The following SCART1 variants were observed in gnomAD, a reference collection of about 807,000 sequenced individuals.
SCART1 encodes scavenger receptor cysteine-rich domain-containing protein SCART1.
Under a neutral mutation model 36.2 loss-of-function variants are expected in SCART1, and 62 were observed. The ratio of observed to expected loss-of-function variants is 1.71; its 90% CI spans 1.40 to 2.12. SCART1 has a LOEUF of 2.12. Among genes scored for constraint, SCART1 ranks in the 30% most tolerant of loss-of-function variants. The pLI is 0.00. For synonymous variants in SCART1, 487 were observed against 238.7 expected (o/e 2.04, Z -9.59); for missense variants, 1,041 against 540.5 (o/e 1.93, Z -9.18).
chr10:133,457,327 C>T lies in SCART1; in HGVS notation c.434C>T (p.Ala145Val), dbSNP rs576389126. The stretch of plus-strand genomic sequence containing the variant: ...CTGGTGAAGGGCCGCAGTCCCTGCG[C>T]GGGACTCCCCGAGATCAGAAACGTG... The change falls in exon 3 of 12, where the codon GCG becomes GTG. Residue 145 changes from alanine to valine, a missense_variant. Ala to Val is a moderately conservative substitution (Grantham distance 64). Transcript: ENST00000640237. 244 of 694,090 alleles carry T rather than the reference C, an allele frequency of 3.5e-4. 1 individual carries two copies. In the African/African-American group the frequency reaches 3.8e-3, roughly 11 times the overall value. The allele number at this position is 694,090 out of a possible 1,614,324, so 43.0% of individuals were successfully genotyped here.
chr10:133,457,613 A>T, intron 3 of SCART1, 38 bp downstream of exon 3: 1 of 646,584 alleles, frequency 1.5e-6, no homozygotes, highest in Non-Finnish European at 2.8e-6. Flanking sequence ...GACCCTTGGG[A>T]TGATGCTGGG....
intron 6 of SCART1, among the ~76,000 whole-genome samples, chr10:133,460,465 G>A (rs1410892818): frequency 1.0e-5 from 1 of 97,590 alleles, no homozygotes; most frequent in Non-Finnish European, 2.0e-5. Flanking sequence ...GTTTCCATCC[G>A]AAATTCATAT....
Position 133,465,495 on chromosome 10 carries a change from G to A in SCART1, c.2589G>A (p.Trp863Ter). 1 of 524,792 alleles carries A rather than the reference G, an allele frequency of 1.9e-6. No homozygotes were observed. Among genetic ancestry groups the A allele is most frequent in the South Asian group, 2.7e-5 (1 of 36,850 alleles). 32.5% of individuals were successfully genotyped at this position (524,792 alleles called of 1,614,324 possible). Residue 863 changes from tryptophan to a stop codon, truncating the protein, a stop_gained, in exon 9 of 12, where the codon TGG becomes TGA. Coordinates refer to ENST00000640237, the Ensembl canonical transcript of SCART1. LOFTEE classifies it high-confidence loss of function. ...GCCGGGGCAGCGAGGCGTCCCTGTG[G>A]GGCTGCCCTGCGGAGCGGTGGGGAC... is the stretch of plus-strand genomic sequence containing the variant.
At chr10:133,458,844 A>C (rs983038074) in intron 4 of SCART1, 177 bp from the exon 5 acceptor site, 3 of 650,480 alleles carry the variant, frequency 4.6e-6, no homozygotes, top group Non-Finnish European at 8.2e-6. Flanking sequence ...GCTAAGATCA[A>C]ATTCTTCTGG....
intron 6 of SCART1, among the ~76,000 whole-genome samples, chr10:133,460,496 A>ATATATATATATATATTTTTT: frequency 1.5e-5 from 2 of 136,002 alleles, no homozygotes; most frequent in South Asian, 2.7e-4. Flanking sequence ...ATATTTATAT[A>ATATATATATATATATTTTTT]TTTTAAAAAA....
Position 133,465,397 on chromosome 10 carries a change from CGGGCCGTCGCCGCCCT to C in SCART1, c.2495_2510del (p.Ala832GlyfsTer88). The C allele has an allele frequency of 1.6e-6, 1 of 620,298 alleles. No individual in the cohort carries two copies. Among genetic ancestry groups the C allele is most frequent in the East Asian group, 3.2e-5 (1 of 31,446 alleles). The allele number at this position is 620,298 out of a possible 1,614,324, so 38.4% of individuals were successfully genotyped here. On this transcript the variant is annotated frameshift_variant, in exon 9 of 12. Transcript: ENST00000640237. LOFTEE classifies it high-confidence loss of function. ...CGTGTGCCGCCAGCTGGGCTGTGGT[CGGGCCGTCGCCGCCCT>C]GGGGGCCGCCGCCTTTGGCCCTGGC...
exon 12 of SCART1, chr10:133,468,003 C>T (rs1240524473): frequency 1.1e-5 from 7 of 649,656 alleles, no homozygotes; most frequent in Middle Eastern, 2.4e-4. Context: ...AGCTGGCTGT[C>T]GAAATCACAG....
At chr10:133,456,022 G>A (rs1161217941) in intron 1 of SCART1, among the ~76,000 whole-genome samples, 5 of 152,242 alleles carry the variant, frequency 3.3e-5, no homozygotes, top group African/African-American at 9.6e-5. Flanking sequence ...TGGGGCTCCA[G>A]AGGGCCAGGG....
rs571379067 is a variant in SCART1 at position 133,454,217 on chromosome 10, A to G, written c.67+153A>G. On this transcript the variant is annotated intron_variant, in intron 1 of 11. Coordinates refer to ENST00000640237, the Ensembl canonical transcript of SCART1. The stretch of plus-strand genomic sequence containing the variant: ...GGTGGGACATGCTGGGGCAGGAGGG[A>G]GGTGACTCCACATGGCTGGATCCCT... 1.7e-3 allele frequency among the ~76,000 whole-genome samples: 256 copies of G among 152,148 alleles called. 2 individuals are homozygous for G. Among genetic ancestry groups the G allele is most frequent in the African/African-American group, 5.6e-3 (231 of 41,510 alleles).
chr10:133,467,841 C>T lies in SCART1; in HGVS notation c.2963-6C>T, dbSNP rs763536212. ...TGATTTGGTCACGCGGTGTCTCTTG[C>T]GCCAGTTTCAGGGGAGGTGTCTAAC... is the stretch of plus-strand genomic sequence containing the variant. On this transcript the variant is annotated splice_polypyrimidine_tract_variant and splice_region_variant and intron_variant, in intron 11 of 11. Coordinates refer to ENST00000640237, the Ensembl canonical transcript of SCART1. The T allele has an allele frequency of 7.8e-5, 53 of 675,622 alleles. No homozygotes were observed. In the Middle Eastern group the frequency reaches 1.2e-3, roughly 15 times the overall value. The allele number at this position is 675,622 out of a possible 1,614,324, so 41.9% of individuals were successfully genotyped here.
At chr10:133,461,203 G>T (rs904647336) in intron 6 of SCART1, among the ~76,000 whole-genome samples, 7 of 152,060 alleles carry the variant, frequency 4.6e-5, no homozygotes, top group Non-Finnish European at 1.0e-4. Flanking sequence ...GCCTGTGAGT[G>T]GGTCACGGGC....
At chr10:133,460,108 C>G in exon 6 of SCART1, 1 of 514,496 alleles carries the variant, frequency 1.9e-6, no homozygotes, top group South Asian at 2.9e-5. Context: ...TGGCAGTGCC[C>G]GTCGGCGGGC....
exon 6 of SCART1, chr10:133,459,953 C>T (rs776167051): frequency 1.5e-5 from 8 of 546,724 alleles, no homozygotes; most frequent in South Asian, 1.2e-4. Flanking sequence ...GTGACGATGC[C>T]TGGGACCTGC....
exon 3 of SCART1, chr10:133,457,438 C>T (rs1850632699): frequency 2.8e-6 from 2 of 702,128 alleles, no homozygotes; most frequent in Admixed American, 2.0e-5. Context: ...GTGCTCCAGG[C>T]CCCCCGCCGG....
exon 5 of SCART1, chr10:133,459,039 G>A (rs553209825): frequency 1.4e-6 from 1 of 693,052 alleles, no homozygotes. Flanking sequence ...ATGGTCAACG[G>A]CAGCAGCAGC....
chr10:133,464,622 G>T, exon 7 of SCART1: 1 of 655,998 alleles, frequency 1.5e-6, no homozygotes, highest in South Asian at 1.7e-5. Flanking sequence ...TGGCTCTGAG[G>T]CTGCGAGGTG....
chr10:133,457,067 C>T (rs952437857), intron 2 of SCART1: 131 of 580,868 alleles, frequency 2.3e-4, no homozygotes, highest in South Asian at 4.1e-4. Flanking sequence ...ACGGATCCTG[C>T]GGGGAACCTT....
exon 6 of SCART1, chr10:133,459,631 G>T (rs950451797): frequency 1.5e-6 from 1 of 681,102 alleles, no homozygotes; most frequent in Non-Finnish European, 2.7e-6. Context: ...CAACTCGGGT[G>T]CAGAGGGGCC....
At chr10:133,464,293 T>C (rs1010936665) in intron 6 of SCART1, 8 of 290,536 alleles carry the variant, frequency 2.8e-5, no homozygotes, top group African/African-American at 1.3e-4. Context: ...TGAACCTGGG[T>C]GCTGCAGTGA....
Sources: gnomAD v4.1 joint callset for allele counts (sites outside exome capture counted in the v4.1 genomes callset) on GRCh38, gnomAD v4.1.1 for gene constraint, MANE v1.5 for transcripts, NCBI Gene and HGNC (gene_info 2026-07-23, HGNC 2026-07-21) for gene names.